The following HSPG2 variants were observed in gnomAD, a reference collection of about 807,000 sequenced individuals.
The protein encoded by HSPG2 is heparan sulfate proteoglycan 2, also known as basement membrane-specific heparan sulfate proteoglycan core protein.
A neutral mutation model predicts 526.6 loss-of-function variants in HSPG2; 278 were observed. The observed-to-expected ratio is 0.53, with a 90% CI of 0.48 to 0.58. HSPG2 has a LOEUF of 0.58. Ranked by LOEUF, HSPG2 falls within the 20% of genes least tolerant of loss-of-function variation. The pLI is 0.00. For synonymous variants in HSPG2, 2,465 were observed against 2,555.4 expected (o/e 0.96, Z 1.07); for missense variants, 5,354 against 6,099.5 (o/e 0.88, Z 4.07).
chr1:21,878,308 C>T (rs769360922), intron 20 of HSPG2, 55 bp from the exon 21 acceptor site: 5 of 1,595,034 alleles, frequency 3.1e-6, no homozygotes, highest in South Asian at 1.1e-5. Context: ...ATACGTGGTC[C>T]GGGCAGATAG....
intron 77 of HSPG2, 46 bp from the exon 78 acceptor site, chr1:21,833,971 G>T: frequency 7.7e-7 from 1 of 1,291,598 alleles, no homozygotes; most frequent in African/African-American, 1.5e-5. Context: ...GACAGTCACA[G>T]ATATGTGCCC....
rs1463617382 is a variant in HSPG2 at position 21,855,303 on chromosome 1, C to T, written c.5997+1G>A. Reference sequence around the variant, plus strand: ...CCTCCTGGGTGGGCCCATCTCCTCACCTGTGGTGGGAGGCTGCCCCCTTCC... The same window carrying T: ...CCTCCTGGGTGGGCCCATCTCCTCATCTGTGGTGGGAGGCTGCCCCCTTCC... On this transcript the variant is annotated splice_donor_variant, in intron 47 of 96. Coordinates refer to ENST00000374695, the MANE Select transcript of HSPG2 (RefSeq NM_005529.7). LOFTEE classifies it high-confidence loss of function. 6.2e-7 allele frequency: 1 copy of T among 1,602,498 alleles called. No homozygotes were observed. The highest frequency in any genetic ancestry group is 1.1e-5 in the South Asian group (1 of 89,006).
Position 21,854,208 on chromosome 1 carries a change from G to T in HSPG2, c.6424C>A (p.Pro2142Thr). ...GGCTCCTCACCTGGGGTGTAGCTGG[G>T]GCCAGAATGGGTGCCGTGGAGCACA... ...VSVLHGTHSG[P>T]SYTPVPGSTR... is the part of the protein sequence containing the mutation. Residue 2142 changes from proline (P) to threonine (T), a missense_variant, in exon 50 of 97, where the codon CCC becomes ACC. By Grantham distance (38) the Pro-to-Thr change is conservative. Transcript: ENST00000374695. The T allele has an allele frequency of 6.3e-7, 1 of 1,592,910 alleles. No individual in the cohort carries two copies. The highest frequency in any genetic ancestry group is 2.3e-5 in the East Asian group (1 of 43,802).
chr1:21,874,707 C>T lies in HSPG2; in HGVS notation c.3437G>A (p.Arg1146His), dbSNP rs756575619. The T allele has an allele frequency of 7.5e-6, 12 of 1,606,222 alleles. No homozygotes were observed. The Admixed American group carries it at 1.0e-4, about 14-fold the overall frequency. The stretch of plus-strand genomic sequence containing the variant: ...ACCCAGGTAGAGGCCACTGGGCGTG[C>T]GTGTGTAGCCTGTGTCACAGTCCTG... ...SCQDCDTGYTRTPSGLYLGTC... is the reference protein window; with the variant it reads ...SCQDCDTGYTHTPSGLYLGTC... Residue 1146 changes from arginine (R) to histidine (H), a missense_variant, in exon 27 of 97, where the codon CGC becomes CAC. Physicochemically the swap from Arg to His is conservative, Grantham distance 29. Transcript: ENST00000374695.
rs142300629 is a variant in HSPG2 at position 21,899,700 on chromosome 1, C to T, written c.64-3390G>A. Reference sequence around the variant, plus strand: ...CATGCCACTTTGCAATGCATTTCCTCAGCCTAGTATCACCTGAGTTGACAG... The same window carrying T: ...CATGCCACTTTGCAATGCATTTCCTTAGCCTAGTATCACCTGAGTTGACAG... On this transcript the variant is annotated intron_variant, in intron 1 of 96. Coordinates refer to ENST00000374695, the MANE Select transcript of HSPG2 (RefSeq NM_005529.7). 3.7e-3 allele frequency among the ~76,000 whole-genome samples: 571 copies of T among 152,358 alleles called. 7 individuals carry two copies. Among genetic ancestry groups the T allele is most frequent in the African/African-American group, 0.013 (523 of 41,582 alleles).
rs145332480 is a variant in HSPG2 at position 21,855,384 on chromosome 1, C to T, written c.5917G>A (p.Val1973Ile). Reference sequence around the variant, plus strand: ...CCTGCAGCCCTGCAGTACAGCCTGACGGTGCGGCCTGCGTGGACCTGGGTC... The same window carrying T: ...CCTGCAGCCCTGCAGTACAGCCTGATGGTGCGGCCTGCGTGGACCTGGGTC... ...ERTQVHAGRT[V>I]RLYCRAAGVP... The change falls in exon 47 of 97, where the codon GTC becomes ATC. Residue 1973 changes from valine to isoleucine, a missense_variant. Transcript: ENST00000374695. The T allele has an allele frequency of 2.1e-5, 34 of 1,612,684 alleles. No individual in the cohort carries two copies. The highest frequency in any genetic ancestry group is 6.7e-5 in the African/African-American group (5 of 74,926).
At chr1:21,883,305 T>C (rs995548397) in intron 13 of HSPG2, among the ~76,000 whole-genome samples, 3 of 152,196 alleles carry the variant, frequency 2.0e-5, no homozygotes, top group Admixed American at 2.0e-4. Context: ...GGGACAACTT[T>C]GGGAAGTAAC....
chr1:21,890,762 C>A lies in HSPG2; in HGVS notation c.245-68G>T, dbSNP rs1201363682. 15 of 1,208,714 alleles carry A rather than the reference C, an allele frequency of 1.2e-5. No individual in the cohort carries two copies. The Admixed American group carries it at 2.4e-4, about 19-fold the overall frequency. The allele number at this position is 1,208,714 out of a possible 1,614,324, so 74.9% of individuals were successfully genotyped here. On this transcript the variant is annotated intron_variant, in intron 3 of 96. Coordinates refer to ENST00000374695, the MANE Select transcript of HSPG2 (RefSeq NM_005529.7). This position sits in a 1 kb window ranked among gnomAD's most constrained non-coding sequence, Gnocchi z 4.1. Reference sequence around the variant, plus strand: ...CATCTAGTGGCCTTAGGCAGTTGGACCATTCAGGCAGAGTTGGGGGGATGG... The same window carrying A: ...CATCTAGTGGCCTTAGGCAGTTGGAACATTCAGGCAGAGTTGGGGGGATGG...
chr1:21,871,155 C>A (rs3820280), intron 33 of HSPG2, among the ~76,000 whole-genome samples: 2 of 152,106 alleles, frequency 1.3e-5, no homozygotes, highest in Admixed American at 6.5e-5. Flanking sequence ...CCCTGCCCCC[C>A]ACAACACCAT....
Position 21,865,186 on chromosome 1 carries a change from G to A in HSPG2, c.4395+99C>T. 2.0e-6 allele frequency: 3 copies of A among 1,520,506 alleles called. No individual in the cohort carries two copies. The highest frequency in any genetic ancestry group is 2.3e-5 in the East Asian group (1 of 44,424). The allele number at this position is 1,520,506 out of a possible 1,614,324, so 94.2% of individuals were successfully genotyped here. ...CACTGACTGAGGGCTGCCAGGTGAA[G>A]GTTGGGGAGCGAGAGACAGGGTGGG... On this transcript the variant is annotated intron_variant, in intron 35 of 96. Transcript: ENST00000374695. The surrounding 1 kb of genome is among the most constrained non-coding windows in gnomAD (Gnocchi z 5.4).
Position 21,876,438 on chromosome 1 carries a change from C to T in HSPG2, c.2827-33G>A, listed in dbSNP as rs114298459. On this transcript the variant is annotated intron_variant, in intron 22 of 96. Coordinates refer to ENST00000374695, the MANE Select transcript of HSPG2 (RefSeq NM_005529.7). ...GAGGAGAAAGGGCTGGGATGGGGGC[C>T]GTGGCCTGGGACTGGCGCTTGGTCC... The T allele has an allele frequency of 2.5e-3, 4,089 of 1,610,868 alleles. 103 individuals carry two copies. In the African/African-American group the frequency reaches 0.048, roughly 19 times the overall value.
intron 17 of HSPG2, among the ~76,000 whole-genome samples, chr1:21,879,584 T>G (rs1220672037): frequency 6.6e-6 from 1 of 151,876 alleles, no homozygotes; most frequent in Non-Finnish European, 1.5e-5. Context: ...CATTTGGCAC[T>G]CTCCAGGATT....
chr1:21,862,916 C>T (rs1402500026), intron 37 of HSPG2, among the ~76,000 whole-genome samples: 4 of 151,412 alleles, frequency 2.6e-5, no homozygotes, highest in Admixed American at 2.6e-4. Context: ...AAAAATTCGC[C>T]AGGCATGGTG....
rs377369499 is a variant in HSPG2 at position 21,830,077 on chromosome 1, C to T, written c.11686G>A (p.Asp3896Asn). The T allele has an allele frequency of 6.3e-6, 10 of 1,598,746 alleles. No homozygotes were observed. The highest frequency in any genetic ancestry group is 2.3e-5 in the South Asian group (2 of 88,544). The change falls in exon 86 of 97, where the codon GAC becomes AAC. Residue 3896 changes from aspartate (D) to asparagine (N), a missense_variant. By Grantham distance (23) the Asp-to-Asn change is conservative (BLOSUM62 1). Coordinates refer to ENST00000374695, the MANE Select transcript of HSPG2 (RefSeq NM_005529.7). ...LHCHPEACGP[D>N]ATCVNRPDGR... The stretch of plus-strand genomic sequence containing the variant: ...TCAGGCCGGTTCACACAGGTGGCGT[C>T]GGGCCCACAGGCCTCTGGGGGGCAC...
At chr1:21,878,287 G>A (rs779203618) in intron 20 of HSPG2, 34 bp from the exon 21 acceptor site, 2 of 1,610,204 alleles carry the variant, frequency 1.2e-6, no homozygotes, top group East Asian at 2.2e-5. Context: ...CAGGGCAGGT[G>A]GGAATGGGAT....
chr1:21,860,584 G>A (rs544935020), intron 39 of HSPG2, among the ~76,000 whole-genome samples: 4 of 151,964 alleles, frequency 2.6e-5, no homozygotes, highest in South Asian at 2.1e-4. Flanking sequence ...CTCCGTCTCC[G>A]GGGTTCACAC....
At chr1:21,899,941 C>T (rs911482263) in intron 1 of HSPG2, among the ~76,000 whole-genome samples, 1 of 152,246 alleles carries the variant, frequency 6.6e-6, no homozygotes, top group South Asian at 2.1e-4. Context: ...CTGTCCCCAA[C>T]CTGACCAGCT....
intron 18 of HSPG2, 37 bp downstream of exon 18, chr1:21,878,957 C>G: frequency 6.2e-7 from 1 of 1,605,832 alleles, no homozygotes. Context: ...TGCACTGTCC[C>G]CAGCCAAACC....
Position 21,828,899 on chromosome 1 carries a change from T to G in HSPG2, c.12173A>C (p.Glu4058Ala), listed in dbSNP as rs1351710729. ...GGCCGGGGACAGTGGCACGGAAGGCTCCACACCCCCCAGGTAGAGCAGGGT... is the reference window on the plus strand; with the variant it reads ...GGCCGGGGACAGTGGCACGGAAGGCGCCACACCCCCCAGGTAGAGCAGGGT... The part of the protein sequence containing the change: ...LHTLLYLGGV[E>A]PSVPLSPATN... The change falls in exon 88 of 97, where the codon GAG (glutamate) becomes GCG (alanine). Residue 4058 changes from glutamate to alanine, a missense_variant. By Grantham distance (107) the Glu-to-Ala change is moderately radical. Coordinates refer to ENST00000374695, the MANE Select transcript of HSPG2 (RefSeq NM_005529.7). This position sits in a 1 kb window ranked among gnomAD's most constrained non-coding sequence, Gnocchi z 6.0. 1 of 1,557,280 alleles carries G rather than the reference T, an allele frequency of 6.4e-7. No individual in the cohort carries two copies. The highest frequency in any genetic ancestry group is 8.7e-7 in the Non-Finnish European group (1 of 1,150,524).
Sources: gnomAD v4.1 joint callset for allele counts (sites outside exome capture counted in the v4.1 genomes callset) on GRCh38, gnomAD v4.1.1 for gene constraint, Gnocchi (gnomAD v3.1) non-coding constraint, MANE v1.5 for transcripts, NCBI Gene and HGNC (gene_info 2026-07-23, HGNC 2026-07-21) for gene names.